SOX5: variants seen among roughly 807,000 people sequenced by gnomAD.
SOX5 encodes transcription factor SOX-5.
SOX5 carries 9 observed loss-of-function variants against 92.0 expected under a neutral mutation model. The observed-to-expected ratio is 0.10, with a 90% CI of 0.06 to 0.17. The LOEUF (loss-of-function observed/expected upper bound fraction) is 0.17. Ranked by LOEUF, SOX5 falls within the 10% of genes least tolerant of loss-of-function variation. SOX5 has a pLI of 1.00. For missense variants in SOX5, 642 were observed against 944.5 expected (o/e 0.68, Z 4.20); for synonymous variants, 344 against 336.3 (o/e 1.02, Z -0.25).
At chr12:23,704,332 G>C (rs1177771935) in intron 6 of SOX5, among the ~76,000 whole-genome samples, 2 of 151,658 alleles carry the variant, frequency 1.3e-5, no homozygotes, top group African/African-American at 4.8e-5. Context: ...AAAATTAAAA[G>C]AATTGAAAAA....
At position 24,058,315 on chromosome 12, in the gene SOX5, A is replaced by C. The variant is rs76864200; in HGVS notation, c.-2+155028T>G. The stretch of plus-strand genomic sequence containing the variant: ...CAATATTTTTTGTAGTTGTAGTTTA[A>C]AAAAAAAATTCTCTTTCACACAATG... On this transcript the variant is annotated intron_variant, in intron 4 of 4. Transcript: ENST00000446891. Among the ~76,000 whole-genome samples the C allele has an allele frequency of 3.3e-3, 506 of 151,544 alleles. 2 individuals are homozygous for C. The highest frequency in any genetic ancestry group is 6.8e-3 in the Middle Eastern group (2 of 294).
In SOX5 at chr12:23,605,837, T is replaced by C. The variant is rs543676106; in HGVS notation, c.1018-1304A>G. 2.5e-4 allele frequency among the ~76,000 whole-genome samples: 38 copies of C among 152,098 alleles called. 1 individual carries two copies. The highest frequency in any genetic ancestry group is 1.9e-4 in the Non-Finnish European group (13 of 67,904). ...ATACATTAAAGTTATCGATAAAAAT[T>C]ATGGCTTAATTTTATGCAAATTAAT... On this transcript the variant is annotated intron_variant, in intron 8 of 14. Transcript: ENST00000451604.
intron 2 of SOX5, among the ~76,000 whole-genome samples, chr12:23,851,507 C>A (rs978911889): frequency 6.6e-6 from 1 of 152,072 alleles, no homozygotes; most frequent in Non-Finnish European, 1.5e-5. Flanking sequence ...ACTCTGGGAA[C>A]AAGATATTGT....
intron 6 of SOX5, among the ~76,000 whole-genome samples, chr12:23,695,997 CA>C (rs998514278): frequency 3.0e-5 from 2 of 66,594 alleles, no homozygotes; most frequent in African/African-American, 1.1e-4. Context: ...AACAAAAAAA[CA>C]AAAAATATGA....
intron 3 of SOX5, among the ~76,000 whole-genome samples, chr12:24,270,032 A>G (rs1264530266): frequency 6.6e-6 from 1 of 151,326 alleles, no homozygotes; most frequent in East Asian, 1.9e-4. Flanking sequence ...TTATTTTAGT[A>G]TCCTATTTTT....
chr12:23,996,477 A>G (rs1249515631), intron 4 of SOX5, among the ~76,000 whole-genome samples: 7 of 152,224 alleles, frequency 4.6e-5, no homozygotes, highest in African/African-American at 1.7e-4. Flanking sequence ...AATCCTGCTG[A>G]AAAGAAGTAC....
At chr12:23,634,301 T>C (rs1030002333) in intron 8 of SOX5, among the ~76,000 whole-genome samples, 7 of 152,142 alleles carry the variant, frequency 4.6e-5, no homozygotes, top group African/African-American at 1.4e-4. Context: ...TTATAGTATA[T>C]TTGAAGATGA....
intron 4 of SOX5, among the ~76,000 whole-genome samples, chr12:24,153,633 T>G (rs1565544472): frequency 6.6e-6 from 1 of 152,114 alleles, no homozygotes; most frequent in Non-Finnish European, 1.5e-5. Flanking sequence ...ACCTCTGTTC[T>G]TGCACACTCC....
intron 6 of SOX5, among the ~76,000 whole-genome samples, chr12:23,727,683 G>A (rs1483399886): frequency 6.6e-6 from 1 of 152,134 alleles, no homozygotes; most frequent in Non-Finnish European, 1.5e-5. Flanking sequence ...TAGGGAGCTA[G>A]TAAATCTTCA....
intron 7 of SOX5, among the ~76,000 whole-genome samples, chr12:23,654,379 G>T (rs900624510): frequency 2.6e-5 from 4 of 151,934 alleles, no homozygotes; most frequent in Non-Finnish European, 5.9e-5. Flanking sequence ...GTCTTAAAAT[G>T]ATTTCTGTTC....
At chr12:23,695,940 C>CAAAAAAAAAAAAAAAAAAA (rs71059917) in intron 6 of SOX5, among the ~76,000 whole-genome samples, 2 of 11,908 alleles carry the variant, frequency 1.7e-4, no homozygotes, top group East Asian at 2.5e-3. Flanking sequence ...GACTCTGTCT[C>CAAAAAAAAAAAAAAAAAAA]AAAAAAAAAA....
chr12:23,563,470 A>G (rs934259939), intron 10 of SOX5, 67 bp from the exon 11 acceptor site: 1 of 1,452,528 alleles, frequency 6.9e-7, no homozygotes, highest in Non-Finnish European at 9.4e-7. Context: ...GTTTAACCAT[A>G]AAAATCACTT....
intron 4 of SOX5, among the ~76,000 whole-genome samples, chr12:24,173,985 CT>C (rs894622607): frequency 6.7e-6 from 1 of 150,362 alleles, no homozygotes; most frequent in African/African-American, 2.4e-5. Context: ...TCTAAGGGTG[CT>C]TTTTTTGTTT....
At chr12:24,232,023 A>G (rs1963499742) in intron 3 of SOX5, among the ~76,000 whole-genome samples, 1 of 152,192 alleles carries the variant, frequency 6.6e-6, no homozygotes, top group Non-Finnish European at 1.5e-5. Context: ...GTTCTGAACA[A>G]ATTTGTAACT....
intron 1 of SOX5, among the ~76,000 whole-genome samples, chr12:24,521,325 G>T (rs1172361269): frequency 6.6e-6 from 1 of 152,214 alleles, no homozygotes; most frequent in Non-Finnish European, 1.5e-5. Context: ...AAAGTGCTGG[G>T]ATTACAGGCG....
intron 3 of SOX5, among the ~76,000 whole-genome samples, chr12:23,796,891 AT>A (rs1308467297): frequency 1.5e-5 from 2 of 131,366 alleles, no homozygotes; most frequent in African/African-American, 5.6e-5. Context: ...ATATATATAA[AT>A]ATTTATATAT....
chr12:23,712,089 C>T (rs528429798), intron 6 of SOX5, among the ~76,000 whole-genome samples: 4 of 152,182 alleles, frequency 2.6e-5, no homozygotes, highest in African/African-American at 7.2e-5. Context: ...GAGAATCGTG[C>T]TATTTTCACT....
At chr12:23,586,344 G>A (rs1950742532) in intron 9 of SOX5, among the ~76,000 whole-genome samples, 1 of 152,074 alleles carries the variant, frequency 6.6e-6, no homozygotes, top group Admixed American at 6.6e-5. Context: ...GAGAGTGGTA[G>A]GTCATGAGAC....
chr12:23,931,747 CTGAGG>C (rs1304661997), intron 1 of SOX5, among the ~76,000 whole-genome samples: 1 of 151,692 alleles, frequency 6.6e-6, no homozygotes, highest in African/African-American at 2.4e-5. Flanking sequence ...TCTGTTCTGA[CTGAGG>C]TAAGTAGCAT....
Sources: allele counts gnomAD v4.1 joint callset (sites outside exome capture counted in the v4.1 genomes callset), GRCh38; gene constraint gnomAD v4.1.1; transcripts MANE v1.5; gene names NCBI Gene and HGNC (gene_info 2026-07-23, HGNC 2026-07-21).